Variants in PCDHGB4 observed in about 807,000 individuals in gnomAD.
The protein encoded by PCDHGB4 is protocadherin gamma subfamily B, 4.
PCDHGB4 carries 38 observed loss-of-function variants against 60.5 expected under a neutral mutation model. The observed-to-expected ratio is 0.63, with a 90% CI of 0.48 to 0.82. The LOEUF is 0.82. Ranked by LOEUF, PCDHGB4 falls within the 40% of genes least tolerant of loss-of-function variation. PCDHGB4 has a pLI of 0.00. For missense variants in PCDHGB4, 1,109 were observed against 1,209.6 expected, an observed-to-expected ratio of 0.92 and a Z score of 1.23; for synonymous variants, 456 against 509.7, an observed-to-expected ratio of 0.89 and a Z score of 1.42.
At chr5:141,428,489 T>C (rs2097142285) in intron 1 of PCDHGB4, 1 of 312,516 alleles carries the variant, frequency 3.2e-6, no homozygotes. Context: ...TCCTGCAATC[T>C]GTATGTTCCC....
intron 1 of PCDHGB4, chr5:141,395,193 T>C (rs748986857): frequency 1.2e-6 from 2 of 1,614,024 alleles, no homozygotes; most frequent in South Asian, 1.1e-5. Flanking sequence ...TTTGTTAACA[T>C]CCGTAGATTT....
Position 141,489,242 on chromosome 5 carries a change from T to C in PCDHGB4, c.2398-5565T>C. ...TCTCCACAAAGGGACTTCTGGGTCA[T>C]GGGGCCCAAGACACTCCCACAGCTC... On this transcript the variant is annotated intron_variant, in intron 1 of 3. Transcript: ENST00000519479. This position sits in a 1 kb window ranked among gnomAD's most constrained non-coding sequence, Gnocchi z 4.5. 6.5e-7 allele frequency: 1 copy of C among 1,534,502 alleles called. No individual in the cohort carries two copies. The highest frequency in any genetic ancestry group is 8.8e-7 in the Non-Finnish European group (1 of 1,141,994).
chr5:141,478,678 C>T (rs3805695), intron 1 of PCDHGB4: 273,671 of 1,551,084 alleles, frequency 0.18, 26,385 homozygotes, highest in African/African-American at 0.39. Context: ...TTCAACTGGC[C>T]CTTCCTAGAT....
intron 1 of PCDHGB4, chr5:141,420,202 C>G: frequency 1.2e-6 from 2 of 1,613,256 alleles, no homozygotes; most frequent in Non-Finnish European, 1.7e-6. Context: ...AAGATAACCT[C>G]AACAAAGATA....
At chr5:141,447,976 C>T (rs774074042) in intron 1 of PCDHGB4, among the ~76,000 whole-genome samples, 18 of 151,938 alleles carry the variant, frequency 1.2e-4, no homozygotes, top group Non-Finnish European at 2.5e-4. Flanking sequence ...ATCCCAGCTA[C>T]TCGGGAGGCT....
chr5:141,437,622 A>G (rs1007643306), intron 1 of PCDHGB4, among the ~76,000 whole-genome samples: 2 of 152,192 alleles, frequency 1.3e-5, no homozygotes, highest in Non-Finnish European at 2.9e-5. Flanking sequence ...TTATCCCCAT[A>G]TAAGATGTCA....
chr5:141,485,958 T>C lies in PCDHGB4; in HGVS notation c.2398-8849T>C. On this transcript the variant is annotated intron_variant, in intron 1 of 3. Transcript: ENST00000519479. The surrounding 1 kb of genome is among the most constrained non-coding windows in gnomAD (Gnocchi z 5.7). ...AGCGCACCAGCGGGCATGGTGCTCATCCAGCTCAATGCCTCAGACCCGGAC... is the reference window on the plus strand; with the variant it reads ...AGCGCACCAGCGGGCATGGTGCTCACCCAGCTCAATGCCTCAGACCCGGAC... 1 of 1,614,190 alleles carries C rather than the reference T, an allele frequency of 6.2e-7. No individual in the cohort carries two copies. The highest frequency in any genetic ancestry group is 8.5e-7 in the Non-Finnish European group (1 of 1,180,032).
At chr5:141,470,858 TTTTG>T (rs775688955) in intron 1 of PCDHGB4, among the ~76,000 whole-genome samples, 79 of 151,956 alleles carry the variant, frequency 5.2e-4, no homozygotes, top group Non-Finnish European at 3.5e-4. Context: ...CAGATAAGTT[TTTTG>T]TTTGTTTGTT....
Position 141,403,961 on chromosome 5 carries a change from G to A in PCDHGB4, c.2397+13680G>A, listed in dbSNP as rs763967342. 8.1e-6 allele frequency: 13 copies of A among 1,613,892 alleles called. No individual in the cohort carries two copies. Among genetic ancestry groups the A allele is most frequent in the Non-Finnish European group, 1.1e-5 (13 of 1,179,856 alleles). On this transcript the variant is annotated intron_variant, in intron 1 of 3. Transcript: ENST00000519479. ...AGGGTGGACAAAAGTGCTCATTTCG[G>A]TGGAAGATGTAAATGACAATAGACC...
Position 141,489,555 on chromosome 5 carries a change from A to G in PCDHGB4, c.2398-5252A>G, listed in dbSNP as rs909307566. ...GAGCCAGCACCAGCTGCCTGCTGCC[A>G]GTGCAGGTGGTGACTGAACACCCCC... is the stretch of plus-strand genomic sequence containing the variant. On this transcript the variant is annotated intron_variant, in intron 1 of 3. Transcript: ENST00000519479. The surrounding 1 kb of genome is among the most constrained non-coding windows in gnomAD (Gnocchi z 4.5). 2.5e-6 allele frequency: 4 copies of G among 1,613,998 alleles called. No homozygotes were observed. The African/African-American group carries it at 5.3e-5, about 22-fold the overall frequency.
intron 1 of PCDHGB4, chr5:141,422,864 AC>A (rs2096680510): frequency 1.9e-6 from 3 of 1,614,190 alleles, no homozygotes; most frequent in Non-Finnish European, 2.5e-6. Flanking sequence ...CTCAGCAGCA[AC>A]GTGTCGCTGA....
intron 1 of PCDHGB4, chr5:141,414,124 G>T (rs1214312992): frequency 6.3e-7 from 1 of 1,592,872 alleles, no homozygotes; most frequent in East Asian, 2.3e-5. Flanking sequence ...TGAAGAAACC[G>T]GTTTCTATGA....
intron 1 of PCDHGB4, chr5:141,478,043 A>G (rs1399496347): frequency 7.4e-6 from 12 of 1,613,710 alleles, no homozygotes; most frequent in Non-Finnish European, 1.0e-5. Flanking sequence ...ACCCAGGCAG[A>G]CTCTCACGGT....
intron 1 of PCDHGB4, among the ~76,000 whole-genome samples, chr5:141,473,383 C>A (rs976400317): frequency 3.3e-5 from 5 of 152,200 alleles, no homozygotes; most frequent in African/African-American, 9.6e-5. Context: ...GGTCCCTGCC[C>A]TCCTGGAGCT....
At chr5:141,468,140 C>T (rs910524133) in intron 1 of PCDHGB4, among the ~76,000 whole-genome samples, 3 of 151,942 alleles carry the variant, frequency 2.0e-5, no homozygotes, top group African/African-American at 7.2e-5. Flanking sequence ...GCCTGGCCAA[C>T]ATGGTGAAAC....
chr5:141,496,747 A>T (rs13188028), intron 2 of PCDHGB4, among the ~76,000 whole-genome samples: 1 of 152,124 alleles, frequency 6.6e-6, no homozygotes, highest in Non-Finnish European at 1.5e-5. Context: ...CATTTATTCA[A>T]CAAATATTTA....
At chr5:141,417,718 G>T in intron 1 of PCDHGB4, 1 of 1,304,720 alleles carries the variant, frequency 7.7e-7, no homozygotes. Context: ...GCTCCCGGCT[G>T]CGCAGACCTT....
rs2097383403 is a variant in PCDHGB4 at position 141,431,483 on chromosome 5, T to C, written c.2397+41202T>C. On this transcript the variant is annotated intron_variant, in intron 1 of 3. Coordinates refer to ENST00000519479, the MANE Select transcript of PCDHGB4 (RefSeq NM_003736.4). This position sits in a 1 kb window ranked among gnomAD's most constrained non-coding sequence, Gnocchi z 4.8. ...GGATGCGAACGACAACGCACCAGCG[T>C]TTGCTCAGCCCGAGTACCGCGCGAG... 2 of 1,613,758 alleles carry C rather than the reference T, an allele frequency of 1.2e-6. No homozygotes were observed. The highest frequency in any genetic ancestry group is 2.7e-5 in the African/African-American group (2 of 74,938).
rs1408454981 is a variant in PCDHGB4, at chr5:141,489,682, T to C, written c.2398-5125T>C. The C allele has an allele frequency of 6.2e-7, 1 of 1,614,184 alleles. No individual in the cohort carries two copies. The highest frequency in any genetic ancestry group is 8.5e-7 in the Non-Finnish European group (1 of 1,180,024). On this transcript the variant is annotated intron_variant, in intron 1 of 3. Transcript: ENST00000519479. This position sits in a 1 kb window ranked among gnomAD's most constrained non-coding sequence, Gnocchi z 4.5. ...GATGCGCATCTCAGAATCAGCAGCATCTGGGGCACGATTCCCACTGGACAG... is the reference window on the plus strand; with the variant it reads ...GATGCGCATCTCAGAATCAGCAGCACCTGGGGCACGATTCCCACTGGACAG...
Sources: gnomAD v4.1 joint callset for allele counts (sites outside exome capture counted in the v4.1 genomes callset) on GRCh38, gnomAD v4.1.1 for gene constraint, Gnocchi (gnomAD v3.1) non-coding constraint, MANE v1.5 for transcripts, NCBI Gene and HGNC (gene_info 2026-07-23, HGNC 2026-07-21) for gene names.